Variants in NOX1 observed in about 807,000 individuals in gnomAD.
NOX1 encodes NADH/NADPH mitogenic oxidase subunit P65-MOX.
Under a neutral mutation model 42.5 loss-of-function variants are expected in NOX1, and 34 were observed. The observed-to-expected ratio is 0.80, with a 90% CI of 0.61 to 1.07. The LOEUF is 1.07. Among genes scored for constraint, NOX1 ranks in the 50% least tolerant of loss-of-function variants. The pLI, the probability that NOX1 is intolerant of heterozygous loss-of-function variation, is 0.00. For missense variants in NOX1, 408 were observed against 427.0 expected (o/e 0.96, Z 0.39); for synonymous variants, 143 against 152.5 (o/e 0.94, Z 0.46).
chrX:100,844,013 T>C lies in NOX1; in HGVS notation c.1634A>G (p.His545Arg), dbSNP rs1254743499. Residue 545 changes from histidine to arginine, a missense_variant, in exon 13 of 13, where the codon CAC becomes CGC. Coordinates refer to ENST00000372966, the MANE Select transcript of NOX1 (RefSeq NM_007052.5). ...TCTAGGATCCAGACTGGAATATCGG[T>C]GACAGCATTTGCGCAGGCTCTTTGC... The part of the protein sequence containing the change: ...TLAKSLRKCC[H>R]RYSSLDPRKV... 4.6e-5 allele frequency: 55 copies of C among 1,201,753 alleles called. No homozygotes were observed. Among genetic ancestry groups the C allele is most frequent in the Non-Finnish European group, 5.6e-5 (50 of 888,343 alleles).
At position 100,865,652 on chromosome X, in the gene NOX1, T is replaced by C. The variant is rs781262209; in HGVS notation, c.142-2057A>G. On this transcript the variant is annotated intron_variant, in intron 2 of 12. Coordinates refer to ENST00000372966, the MANE Select transcript of NOX1 (RefSeq NM_007052.5). ...AATAAATTATGGCATATCAATGCAA[T>C]GAATTGTTATTCTCTTAAAAGGCTG... is the stretch of plus-strand genomic sequence containing the variant. Among the ~76,000 whole-genome samples the C allele has an allele frequency of 9.7e-5, 11 of 113,112 alleles. No homozygotes were observed. In the South Asian group the frequency reaches 4.0e-3, roughly 41 times the overall value.
chrX:100,866,300 C>T (rs1360438015), intron 2 of NOX1, among the ~76,000 whole-genome samples: 5 of 110,836 alleles, frequency 4.5e-5, no homozygotes, highest in African/African-American at 1.6e-4. Context: ...AAAGTGATCC[C>T]TTTTTTGGTT....
chrX:100,855,627 TA>T, intron 7 of NOX1: 1 of 1,034,527 alleles, frequency 9.7e-7, no homozygotes, highest in Non-Finnish European at 1.4e-6. Context: ...TCCTCCAGAG[TA>T]ACCAGGGCCG....
intron 1 of NOX1, among the ~76,000 whole-genome samples, chrX:100,871,223 C>A (rs2085272671): frequency 8.9e-6 from 1 of 112,653 alleles, no homozygotes; most frequent in Non-Finnish European, 1.9e-5. Flanking sequence ...CACTGCTACT[C>A]ATTTTTGTAT....
intron 11 of NOX1, 36 bp from the exon 12 acceptor site, chrX:100,848,790 TC>T: frequency 1.7e-6 from 2 of 1,195,722 alleles, no homozygotes; most frequent in Non-Finnish European, 2.3e-6. Flanking sequence ...AAAAACCAAG[TC>T]CTAGGCTGGG....
At chrX:100,845,929 G>A (rs1203433905) in intron 12 of NOX1, among the ~76,000 whole-genome samples, 2 of 109,809 alleles carry the variant, frequency 1.8e-5, no homozygotes, top group Admixed American at 9.7e-5. Flanking sequence ...GACTACAGGC[G>A]CCCGCCACCG....
chrX:100,849,356 T>G lies in NOX1; in HGVS notation c.1367A>C (p.Glu456Ala), dbSNP rs2147903631. ...TTTGCCTAATTCCTCCATCTCCTGT[T>G]CCAGGGAAGTCAACAGGTTGTTGAA... is the stretch of plus-strand genomic sequence containing the variant. ...SWFNNLLTSL[E>A]QEMEELGKVG... The change falls in exon 11 of 13, where the codon GAA becomes GCA. Residue 456 changes from glutamate to alanine, a missense_variant. Physicochemically the swap from Glu to Ala is moderately radical, Grantham distance 107. Transcript: ENST00000372966. The G allele has an allele frequency of 9.1e-6, 11 of 1,210,808 alleles. No homozygotes were observed. Among genetic ancestry groups the G allele is most frequent in the Non-Finnish European group, 1.2e-5 (11 of 894,647 alleles).
intron 7 of NOX1, among the ~76,000 whole-genome samples, chrX:100,861,129 A>G (rs957036756): frequency 3.6e-5 from 4 of 111,372 alleles, no homozygotes; most frequent in Admixed American, 9.6e-5. Flanking sequence ...CCTCCACTTC[A>G]GTATTAGAAA....
rs35402979 is a variant in NOX1 at position 100,851,398 on chromosome X, A to T, written c.805-73T>A. On this transcript the variant is annotated intron_variant, in intron 7 of 12. Coordinates refer to ENST00000372966, the MANE Select transcript of NOX1 (RefSeq NM_007052.5). ...TTAGGACTTATTTGTGTAGCAGTTC[A>T]TCCTTCATTCTTTACTGAGTTCTCC... 810 of 526,812 alleles carry T rather than the reference A, an allele frequency of 1.5e-3. 10 individuals are homozygous for T. The African/African-American group carries it at 0.017, about 11-fold the overall frequency. 43.4% of individuals were successfully genotyped at this position (526,812 alleles called of 1,213,427 possible).
Position 100,845,642 on chromosome X carries a change from G to A in NOX1, c.1569-1564C>T, listed in dbSNP as rs868785294. 7.7e-4 allele frequency among the ~76,000 whole-genome samples: 65 copies of A among 84,287 alleles called. 2 individuals are homozygous for A. The highest frequency in any genetic ancestry group is 3.7e-3 in the South Asian group (5 of 1,355). 73.2% of individuals were successfully genotyped at this position (84,287 alleles called of 115,157 possible). On this transcript the variant is annotated intron_variant, in intron 12 of 12. Transcript: ENST00000372966. The stretch of plus-strand genomic sequence containing the variant: ...TTTTTTTTTTTTTTTTTGAGACAGA[G>A]TCTTGCACTGTCACCCGGGCTGGAG...
intron 1 of NOX1, 34 bp from the exon 2 acceptor site, chrX:100,870,848 A>G (rs1372888458): frequency 2.1e-6 from 2 of 942,201 alleles, no homozygotes; most frequent in South Asian, 4.2e-5. Flanking sequence ...CAAAGAATAA[A>G]GTGAAATTTG....
rs1278692157 is a variant in NOX1 at position 100,847,813 on chromosome X, A to C, written c.1568+817T>G. ...TAATCAAGAATATTTGTAGCATTGA[A>C]TTGATCATCACCTCCCTACTTGTTC... is the stretch of plus-strand genomic sequence containing the variant. On this transcript the variant is annotated intron_variant, in intron 12 of 12. Transcript: ENST00000372966. Among the ~76,000 whole-genome samples the C allele has an allele frequency of 2.7e-5, 3 of 109,745 alleles. No homozygotes were observed. The Admixed American group carries it at 2.9e-4, about 11-fold the overall frequency.
intron 12 of NOX1, among the ~76,000 whole-genome samples, chrX:100,845,904 T>C (rs1480429155): frequency 1.8e-5 from 2 of 109,017 alleles, no homozygotes; most frequent in Non-Finnish European, 3.8e-5. Context: ...CTGCCTCAGC[T>C]TCCCAAGTAG....
chrX:100,867,208 A>G (rs2147919621), intron 2 of NOX1, among the ~76,000 whole-genome samples: 1 of 110,283 alleles, frequency 9.1e-6, no homozygotes, highest in South Asian at 3.9e-4. Flanking sequence ...AATTTTTTGT[A>G]TTTTTAGTAG....
At chrX:100,871,721 C>T in intron 1 of NOX1, among the ~76,000 whole-genome samples, 1 of 111,418 alleles carries the variant, frequency 9.0e-6, no homozygotes, top group Non-Finnish European at 1.9e-5. Flanking sequence ...TGTAATTCGA[C>T]AGGTCTCCAG....
intron 12 of NOX1, among the ~76,000 whole-genome samples, chrX:100,845,684 G>T (rs1163673016): frequency 1.0e-5 from 1 of 98,631 alleles, no homozygotes; most frequent in Non-Finnish European, 2.0e-5. Flanking sequence ...GGTATGATCT[G>T]GGGTCACTGC....
In NOX1 at chrX:100,843,571, A is replaced by G. The variant is rs1373605006; in HGVS notation, c.*381T>C. On this transcript the variant is annotated 3_prime_UTR_variant, in exon 13 of 13. Transcript: ENST00000372966. ...AATCTTCTGTGGGGGTGGGAGGGAC[A>G]AAAGATTACAAACCAAAACTCAGGA... The G allele has an allele frequency of 1.1e-4, 86 of 782,776 alleles. No individual in the cohort carries two copies. Among genetic ancestry groups the G allele is most frequent in the Non-Finnish European group, 1.4e-4 (80 of 583,012 alleles). 64.5% of individuals were successfully genotyped at this position (782,776 alleles called of 1,213,427 possible).
At position 100,849,855 on chromosome X, in the gene NOX1, T is replaced by C. The variant is rs757043834; in HGVS notation, c.1213A>G (p.Ile405Val). The C allele has an allele frequency of 1.7e-6, 2 of 1,211,309 alleles. No individual in the cohort carries two copies. The highest frequency in any genetic ancestry group is 2.2e-6 in the Non-Finnish European group (2 of 895,078). The stretch of plus-strand genomic sequence containing the variant: ...ATAGAAGCAAAGGGGGTGACCCCAA[T>C]TCCTGCTCCAACCAGCACAGCCACT... ...YEVAVLVGAG[I>V]GVTPFASILK... The change falls in exon 10 of 13, where the codon ATT (isoleucine) becomes GTT (valine). Residue 405 changes from isoleucine to valine, a missense_variant. Physicochemically the swap from Ile to Val is conservative, Grantham distance 29 (BLOSUM62 3). Transcript: ENST00000372966.
chrX:100,860,710 T>C (rs1378365775), intron 7 of NOX1, among the ~76,000 whole-genome samples: 1 of 111,788 alleles, frequency 8.9e-6, no homozygotes, highest in Non-Finnish European at 1.9e-5. Flanking sequence ...TTGTAAATAC[T>C]TTTCCTACTT....
Sources: gnomAD v4.1 joint callset for allele counts (sites outside exome capture counted in the v4.1 genomes callset) on GRCh38, gnomAD v4.1.1 for gene constraint, MANE v1.5 for transcripts, NCBI Gene and HGNC (gene_info 2026-07-23, HGNC 2026-07-21) for gene names.